The following SLIT2 variants were observed in gnomAD, a reference collection of about 807,000 sequenced individuals.
SLIT2 encodes the protein slit homolog 2 protein.
SLIT2 carries 41 observed loss-of-function variants against 185.7 expected under a neutral mutation model. The ratio of observed to expected loss-of-function variants is 0.22; its 90% CI spans 0.17 to 0.29. SLIT2 has a LOEUF of 0.29. Among genes scored for constraint, SLIT2 ranks in the 10% least tolerant of loss-of-function variants. The probability of loss-of-function intolerance (pLI) is 1.00; values close to 1 mark genes in which losing one functional copy is unlikely to be tolerated. For missense variants in SLIT2, 1,571 were observed against 1,909.0 expected, an observed-to-expected ratio of 0.82 and a Z score of 3.30; for synonymous variants, 693 against 680.2, an observed-to-expected ratio of 1.02 and a Z score of -0.29.
chr4:20,349,042 A>G (rs535047639), intron 4 of SLIT2, among the ~76,000 whole-genome samples: 44 of 152,318 alleles, frequency 2.9e-4, no homozygotes, highest in African/African-American at 1.1e-3. Context: ...GACTGGTAAT[A>G]TGGAAATTGT....
intron 4 of SLIT2, among the ~76,000 whole-genome samples, chr4:20,404,649 G>C (rs180988057): frequency 6.6e-6 from 1 of 151,984 alleles, no homozygotes; most frequent in African/African-American, 2.4e-5. Context: ...GAATGAACAA[G>C]GGGAAATCTT....
intron 4 of SLIT2, among the ~76,000 whole-genome samples, chr4:20,401,657 C>T (rs1726372513): frequency 6.6e-6 from 1 of 151,964 alleles, no homozygotes; most frequent in Non-Finnish European, 1.5e-5. Flanking sequence ...AAACTACATT[C>T]TACAACTTGA....
intron 4 of SLIT2, among the ~76,000 whole-genome samples, chr4:20,431,213 CAAAT>C (rs1361801436): frequency 6.6e-6 from 1 of 152,018 alleles, no homozygotes; most frequent in Non-Finnish European, 1.5e-5. Flanking sequence ...CTATCAGAAA[CAAAT>C]AATGCAATAA....
At chr4:20,605,834 C>T (rs766722182) in intron 33 of SLIT2, among the ~76,000 whole-genome samples, 23 of 151,442 alleles carry the variant, frequency 1.5e-4, no homozygotes, top group Non-Finnish European at 3.1e-4. Context: ...GCAACCTCTG[C>T]CTCCCGGGTT....
At chr4:20,285,244 A>G (rs1163272064) in intron 4 of SLIT2, among the ~76,000 whole-genome samples, 1 of 152,318 alleles carries the variant, frequency 6.6e-6, no homozygotes, top group East Asian at 1.9e-4. Flanking sequence ...GATGAGGCCT[A>G]TGACATTGGA....
intron 25 of SLIT2, chr4:20,552,441 G>A (rs1723848185): frequency 6.8e-6 from 1 of 147,720 alleles, no homozygotes; most frequent in Non-Finnish European, 1.5e-5. Context: ...TAGTGTACAT[G>A]TGCACAACGT....
At chr4:20,378,464 C>A (rs900680365) in intron 4 of SLIT2, among the ~76,000 whole-genome samples, 3 of 152,054 alleles carry the variant, frequency 2.0e-5, no homozygotes, top group Non-Finnish European at 4.4e-5. Context: ...ATAAGGATTA[C>A]TCATGGAGTT....
chr4:20,282,987 C>T (rs1011397496), intron 4 of SLIT2, among the ~76,000 whole-genome samples: 1 of 152,124 alleles, frequency 6.6e-6, no homozygotes, highest in African/African-American at 2.4e-5. Flanking sequence ...AAGGTGAACT[C>T]GGCATTCTGT....
chr4:20,430,547 A>G (rs983260474), intron 4 of SLIT2, among the ~76,000 whole-genome samples: 1 of 152,212 alleles, frequency 6.6e-6, no homozygotes, highest in Non-Finnish European at 1.5e-5. Flanking sequence ...AACTAAATTT[A>G]TAGTTCACCT....
At position 20,594,024 on chromosome 4, in the gene SLIT2, A is replaced by G. The variant is rs1026251755; in HGVS notation, c.3183-1673A>G. On this transcript the variant is annotated intron_variant, in intron 30 of 36. Transcript: ENST00000504154. ...CACACACATACATATGTATGTGTGT[A>G]TATATGTGTATATATGTACATATGT... is the stretch of plus-strand genomic sequence containing the variant. Among the ~76,000 whole-genome samples, 11 of 149,572 alleles carry G rather than the reference A, an allele frequency of 7.4e-5. 1 individual carries two copies. Among genetic ancestry groups the G allele is most frequent in the African/African-American group, 2.7e-4 (11 of 40,602 alleles).
intron 4 of SLIT2, among the ~76,000 whole-genome samples, chr4:20,358,887 T>C (rs1288236859): frequency 6.6e-6 from 1 of 152,168 alleles, no homozygotes; most frequent in Non-Finnish European, 1.5e-5. Flanking sequence ...ATATATTCAC[T>C]GTGTGAAACA....
chr4:20,382,514 T>C (rs1395087013), intron 4 of SLIT2, among the ~76,000 whole-genome samples: 1 of 152,154 alleles, frequency 6.6e-6, no homozygotes, highest in Non-Finnish European at 1.5e-5. Context: ...AATATATTTT[T>C]GTGTGCTAGC....
chr4:20,501,938 T>C (rs552597057), intron 9 of SLIT2, among the ~76,000 whole-genome samples: 1 of 152,322 alleles, frequency 6.6e-6, no homozygotes, highest in East Asian at 1.9e-4. Context: ...CATGAAGACT[T>C]TGTGTTCATG....
intron 9 of SLIT2, among the ~76,000 whole-genome samples, chr4:20,509,169 A>G (rs1719479808): frequency 6.6e-6 from 1 of 151,110 alleles, no homozygotes; most frequent in Non-Finnish European, 1.5e-5. Flanking sequence ...ATACATATAT[A>G]TATAATATAT....
chr4:20,370,883 A>G (rs1454270539), intron 4 of SLIT2, among the ~76,000 whole-genome samples: 1 of 152,078 alleles, frequency 6.6e-6, no homozygotes, highest in East Asian at 1.9e-4. Context: ...CGGATATATG[A>G]TATTTATTAT....
At chr4:20,486,612 C>T (rs1254085054) in intron 7 of SLIT2, among the ~76,000 whole-genome samples, 1 of 152,066 alleles carries the variant, frequency 6.6e-6, no homozygotes, top group East Asian at 1.9e-4. Context: ...TATTACTGTA[C>T]TGCAAGCAGA....
At chr4:20,352,489 T>C (rs1424063542) in intron 4 of SLIT2, among the ~76,000 whole-genome samples, 2 of 152,214 alleles carry the variant, frequency 1.3e-5, no homozygotes, top group Non-Finnish European at 2.9e-5. Context: ...TTATTACATA[T>C]AAATATGTCA....
At chr4:20,338,021 A>G (rs1720649651) in intron 4 of SLIT2, among the ~76,000 whole-genome samples, 1 of 152,200 alleles carries the variant, frequency 6.6e-6, no homozygotes, top group Non-Finnish European at 1.5e-5. Flanking sequence ...AACCTGAAAA[A>G]TGTCACTCAT....
intron 18 of SLIT2, 94 bp from the exon 19 acceptor site, chr4:20,539,347 C>A: frequency 1.8e-6 from 2 of 1,081,818 alleles, no homozygotes; most frequent in Non-Finnish European, 2.7e-6. Context: ...GTAATGAATG[C>A]TACATATTTG....
Sources: allele counts gnomAD v4.1 joint callset (sites outside exome capture counted in the v4.1 genomes callset), GRCh38; gene constraint gnomAD v4.1.1; transcripts MANE v1.5; gene names NCBI Gene and HGNC (gene_info 2026-07-23, HGNC 2026-07-21).